Variants in SLC25A12 observed in about 807,000 individuals in gnomAD.
The protein encoded by SLC25A12 is electrogenic aspartate/glutamate antiporter SLC25A12, mitochondrial.
Under a neutral mutation model 83.3 loss-of-function variants are expected in SLC25A12, and 32 were observed. The observed-to-expected ratio is 0.38, with a 90% CI of 0.29 to 0.52. The LOEUF is 0.52. Ranked by LOEUF, SLC25A12 falls within the 20% of genes least tolerant of loss-of-function variation. SLC25A12 has a pLI of 0.84. For synonymous variants in SLC25A12, 267 were observed against 291.1 expected (o/e 0.92, Z 0.84); for missense variants, 611 against 835.6 (o/e 0.73, Z 3.31).
intron 4 of SLC25A12, chr2:171,848,394 A>T (rs1684844197): frequency 2.4e-6 from 1 of 408,492 alleles, no homozygotes; most frequent in South Asian, 1.8e-5. Context: ...TATAGGCTTG[A>T]GACCAAACAT....
At chr2:171,859,063 A>G (rs1685097937) in intron 3 of SLC25A12, among the ~76,000 whole-genome samples, 1 of 152,192 alleles carries the variant, frequency 6.6e-6, no homozygotes, top group African/African-American at 2.4e-5. Context: ...AAAGACTCCT[A>G]ACTCCTGCCT....
chr2:171,878,493 G>T, intron 2 of SLC25A12, among the ~76,000 whole-genome samples: 1 of 152,042 alleles, frequency 6.6e-6, no homozygotes, highest in Non-Finnish European at 1.5e-5. Context: ...AGAAATTATT[G>T]TTCTAACCTT....
At position 171,787,861 on chromosome 2, in the gene SLC25A12, T is replaced by C. The variant is rs1311018814; in HGVS notation, c.1672A>G (p.Ser558Gly). The C allele has an allele frequency of 6.2e-7, 1 of 1,614,214 alleles. No individual in the cohort carries two copies. Among genetic ancestry groups the C allele is most frequent in the Non-Finnish European group, 8.5e-7 (1 of 1,180,042 alleles). The change falls in exon 16 of 18, where the codon AGT becomes GGT. Residue 558 changes from serine (S) to glycine (G), a missense_variant. Coordinates refer to ENST00000422440, the MANE Select transcript of SLC25A12 (RefSeq NM_003705.5). ...VAARAGQTTYSGVIDCFRKIL... is the reference protein window; with the variant it reads ...VAARAGQTTYGGVIDCFRKIL... Reference sequence around the variant, plus strand: ...TTCCTGAAACAGTCGATGACACCACTGTATGTCGTCTGGCCAGCGCGGGCA... The same window carrying C: ...TTCCTGAAACAGTCGATGACACCACCGTATGTCGTCTGGCCAGCGCGGGCA...
Position 171,868,730 on chromosome 2 carries a change from G to A in SLC25A12, c.160C>T (p.Pro54Ser), listed in dbSNP as rs770090900. ...LGLYNDPNSN[P>S]KIVQLLAGVA... The stretch of plus-strand genomic sequence containing the variant: ...CCTGCCAAGAGCTGCACGATCTTTG[G>A]GTTACTATTTGGATCATTATACAGT... The change falls in exon 3 of 18, where the codon CCA becomes TCA. Residue 54 changes from proline (P) to serine (S), a missense_variant. Transcript: ENST00000422440. 8 of 1,613,750 alleles carry A rather than the reference G, an allele frequency of 5.0e-6. No individual in the cohort carries two copies. Among genetic ancestry groups the A allele is most frequent in the Middle Eastern group, 1.6e-4 (1 of 6,084 alleles).
chr2:171,810,333 G>T, intron 11 of SLC25A12, 57 bp from the exon 12 acceptor site: 1 of 1,355,082 alleles, frequency 7.4e-7, no homozygotes, highest in Non-Finnish European at 1.1e-6. Flanking sequence ...GAATACACAA[G>T]CCCAGCAACA....
intron 13 of SLC25A12, among the ~76,000 whole-genome samples, chr2:171,796,151 T>C (rs751969321): frequency 6.6e-6 from 1 of 152,202 alleles, no homozygotes. Context: ...CTTACCATGT[T>C]GCCCAGGCTG....
At chr2:171,797,597 T>A (rs1282728435) in intron 13 of SLC25A12, among the ~76,000 whole-genome samples, 3 of 152,250 alleles carry the variant, frequency 2.0e-5, no homozygotes, top group Admixed American at 2.0e-4. Context: ...GGCTTCTTTA[T>A]AGACTAAGTC....
At chr2:171,811,908 A>G (rs1683952913) in intron 11 of SLC25A12, among the ~76,000 whole-genome samples, 1 of 152,210 alleles carries the variant, frequency 6.6e-6, no homozygotes, top group East Asian at 1.9e-4. Context: ...TATTCAACAA[A>G]GAAATATTGG....
chr2:171,813,971 C>A (rs1683998487), intron 10 of SLC25A12, among the ~76,000 whole-genome samples: 1 of 152,164 alleles, frequency 6.6e-6, no homozygotes. Flanking sequence ...ATCATAGTTA[C>A]AACCATAATA....
At chr2:171,827,319 A>G (rs1301492892) in intron 8 of SLC25A12, among the ~76,000 whole-genome samples, 3 of 151,574 alleles carry the variant, frequency 2.0e-5, no homozygotes, top group Admixed American at 2.0e-4. Context: ...TTTTTTTCCA[A>G]CGATATGTTC....
intron 2 of SLC25A12, among the ~76,000 whole-genome samples, chr2:171,884,911 G>A (rs1487185594): frequency 6.6e-6 from 1 of 151,788 alleles, no homozygotes; most frequent in Non-Finnish European, 1.5e-5. Context: ...TACATAGTAG[G>A]CAATTAAAAG....
At position 171,785,456 on chromosome 2, in the gene SLC25A12, G is replaced by A; in HGVS notation, c.1855C>T (p.Pro619Ser). ...TCTGCAATGCGTGACTTAGGTGTTG[G>A]TTCTGAACCAGCGGGTTTGCTGTTG... ...FGGLKPAGSE[P>S]TPKSRIADLP... The change falls in exon 18 of 18, where the codon CCA becomes TCA. Residue 619 changes from proline to serine, a missense_variant. Coordinates refer to ENST00000422440, the MANE Select transcript of SLC25A12 (RefSeq NM_003705.5). 3 of 1,614,172 alleles carry A rather than the reference G, an allele frequency of 1.9e-6. No individual in the cohort carries two copies. Among genetic ancestry groups the A allele is most frequent in the Non-Finnish European group, 2.5e-6 (3 of 1,180,040 alleles).
At position 171,856,342 on chromosome 2, in the gene SLC25A12, T is replaced by C. The variant is rs192699656; in HGVS notation, c.210-393A>G. ...CATGTTTAGCAGCATCCCTGGCCTC[T>C]ACCCACTAGATGCCAATAGCATCCC... On this transcript the variant is annotated intron_variant, in intron 3 of 17. Coordinates refer to ENST00000422440, the MANE Select transcript of SLC25A12 (RefSeq NM_003705.5). 1.4e-3 allele frequency among the ~76,000 whole-genome samples: 210 copies of C among 152,304 alleles called. 1 individual carries two copies. Among genetic ancestry groups the C allele is most frequent in the African/African-American group, 5.0e-3 (207 of 41,566 alleles).
intron 8 of SLC25A12, among the ~76,000 whole-genome samples, chr2:171,828,129 T>C (rs1466366565): frequency 1.3e-5 from 2 of 152,212 alleles, no homozygotes; most frequent in Non-Finnish European, 2.9e-5. Flanking sequence ...TTTCTTTTTT[T>C]CAGTCTTTCA....
intron 9 of SLC25A12, among the ~76,000 whole-genome samples, chr2:171,826,436 T>A (rs992867724): frequency 5.9e-5 from 9 of 152,060 alleles, no homozygotes; most frequent in African/African-American, 2.2e-4. Flanking sequence ...GGCAAAACCT[T>A]GTCTCTACTA....
intron 2 of SLC25A12, among the ~76,000 whole-genome samples, chr2:171,878,122 T>TA (rs756810097): frequency 1.3e-5 from 2 of 152,160 alleles, no homozygotes; most frequent in Non-Finnish European, 2.9e-5. Context: ...CTATGCCTGG[T>TA]GCCTGGTACT....
chr2:171,791,592 G>A lies in SLC25A12; in HGVS notation c.1447-3C>T. 1 of 1,613,732 alleles carries A rather than the reference G, an allele frequency of 6.2e-7. No homozygotes were observed. Among genetic ancestry groups the A allele is most frequent in the African/African-American group, 1.3e-5 (1 of 75,036 alleles). ...CGGAGGAAACACGCTTTGGCACCCT[G>A]TCACACAGTGAGGAAATAGTGCAAA... On this transcript the variant is annotated splice_region_variant and splice_polypyrimidine_tract_variant and intron_variant, in intron 14 of 17. Transcript: ENST00000422440.
At chr2:171,810,418 A>G in intron 11 of SLC25A12, 142 bp from the exon 12 acceptor site, 1 of 752,890 alleles carries the variant, frequency 1.3e-6, no homozygotes, top group Non-Finnish European at 2.4e-6. Flanking sequence ...ATTATCCTTA[A>G]AACTCTGTAT....
At chr2:171,869,602 C>T (rs1685414241) in intron 2 of SLC25A12, among the ~76,000 whole-genome samples, 1 of 152,120 alleles carries the variant, frequency 6.6e-6, no homozygotes, top group Admixed American at 6.5e-5. Context: ...TAATTTTTTA[C>T]ATCAATAATT....
Sources: gnomAD v4.1 joint callset for allele counts (sites outside exome capture counted in the v4.1 genomes callset) on GRCh38, gnomAD v4.1.1 for gene constraint, MANE v1.5 for transcripts, NCBI Gene and HGNC (gene_info 2026-07-23, HGNC 2026-07-21) for gene names.